IRAG1: variants seen among roughly 807,000 people sequenced by gnomAD.
IRAG1 encodes the protein IP3R-associated cGMP kinase substrate.
In IRAG1, 62 loss-of-function variants were observed where a neutral mutation model predicts 106.2. The observed-to-expected ratio is 0.58, with a 90% confidence interval of 0.48 to 0.72. The LOEUF (loss-of-function observed/expected upper bound fraction) is 0.72. IRAG1 is among the 30% of genes least tolerant of loss of function. IRAG1 has a pLI of 0.00. For synonymous variants in IRAG1, 462 were observed against 443.9 expected (o/e 1.04, Z -0.51); for missense variants, 1,064 against 1,140.7 (o/e 0.93, Z 0.97).
At chr11:10,599,053 C>A (rs1196242633) in intron 15 of IRAG1, among the ~76,000 whole-genome samples, 1 of 152,196 alleles carries the variant, frequency 6.6e-6, no homozygotes, top group Non-Finnish European at 1.5e-5. Context: ...GGAAGAACAA[C>A]TGGAGTGGAA....
chr11:10,616,545 CA>C (rs1406763660), intron 10 of IRAG1, among the ~76,000 whole-genome samples: 1 of 151,954 alleles, frequency 6.6e-6, no homozygotes, highest in Admixed American at 6.5e-5. Flanking sequence ...AAACAAAAAA[CA>C]AAAAACTACC....
chr11:10,626,255 G>C lies in IRAG1; in HGVS notation c.1079C>G (p.Ser360Cys), dbSNP rs936226835. 5.0e-6 allele frequency: 8 copies of C among 1,608,910 alleles called. No homozygotes were observed. The Admixed American group carries it at 1.3e-4, about 27-fold the overall frequency. ...QDAAGVGPPA[S>C]QGRGPAGEPM... is the part of the protein sequence containing the mutation. ...CTCTCCAGCTGGGCCTCTCCCCTGG[G>C]AGGCTGGGGGACCCACTCCTGCCGC... The change falls in exon 9 of 21, where the codon TCC becomes TGC. Residue 360 changes from serine (S) to cysteine (C), a missense_variant. Ser to Cys is a moderately radical substitution (Grantham distance 112, BLOSUM62 -1). Coordinates refer to ENST00000423302, the MANE Select transcript of IRAG1 (RefSeq NM_130385.4).
intron 18 of IRAG1, among the ~76,000 whole-genome samples, chr11:10,582,828 C>A (rs1452466851): frequency 6.6e-6 from 1 of 152,184 alleles, no homozygotes; most frequent in East Asian, 1.9e-4. Flanking sequence ...TGGTGGCACA[C>A]ACCTGTAATC....
chr11:10,685,576 C>G (rs1276031317), intron 1 of IRAG1, among the ~76,000 whole-genome samples: 1 of 151,662 alleles, frequency 6.6e-6, no homozygotes, highest in Non-Finnish European at 1.5e-5. Flanking sequence ...AAAACATTAG[C>G]CAGGTGAGGT....
chr11:10,606,832 G>A, intron 11 of IRAG1, 60 bp from the exon 12 acceptor site: 1 of 1,466,176 alleles, frequency 6.8e-7, no homozygotes, highest in Admixed American at 2.4e-5. Flanking sequence ...ACCCAAAGGT[G>A]ACTCTGAATG....
chr11:10,619,026 A>C (rs901212864), intron 10 of IRAG1, among the ~76,000 whole-genome samples: 33 of 152,286 alleles, frequency 2.2e-4, no homozygotes, highest in Non-Finnish European at 4.3e-4. Flanking sequence ...TGATAATGGT[A>C]GCTGGGACAA....
At position 10,626,543 on chromosome 11, in the gene IRAG1, T is replaced by C; in HGVS notation, c.791A>G (p.Gln264Arg). 1 of 1,611,764 alleles carries C rather than the reference T, an allele frequency of 6.2e-7. No individual in the cohort carries two copies. The highest frequency in any genetic ancestry group is 2.2e-5 in the East Asian group (1 of 44,844). The change falls in exon 9 of 21, where the codon CAG (glutamine) becomes CGG (arginine). Residue 264 changes from glutamine (Q) to arginine (R), a missense_variant. Transcript: ENST00000423302. ...CAGCCTGCCCTGAGACACTTTCCTC[T>C]GGTCATTCTGCTTCCTGTCAGCTAG... is the stretch of plus-strand genomic sequence containing the variant. ...KGLADRKQNDQRKVSQGRLAP... is the reference protein window; with the variant it reads ...KGLADRKQNDRRKVSQGRLAP...
chr11:10,592,874 T>C (rs1852834741), intron 17 of IRAG1, among the ~76,000 whole-genome samples: 1 of 152,202 alleles, frequency 6.6e-6, no homozygotes, highest in South Asian at 2.1e-4. Flanking sequence ...CACACTCTTT[T>C]AAAAAGTACA....
intron 20 of IRAG1, among the ~76,000 whole-genome samples, chr11:10,576,875 A>T (rs141767158): frequency 1.3e-3 from 199 of 152,294 alleles, no homozygotes; most frequent in African/African-American, 3.3e-3. Flanking sequence ...TAATTGTTTG[A>T]TCATCCATCC....
At chr11:10,670,717 A>G (rs1860151005) in intron 1 of IRAG1, among the ~76,000 whole-genome samples, 1 of 152,232 alleles carries the variant, frequency 6.6e-6, no homozygotes, top group Admixed American at 6.5e-5. Context: ...AGGCCATTAG[A>G]ATAGACCCTA....
In IRAG1 at chr11:10,580,598, C is replaced by T. The variant is rs1564887660; in HGVS notation, c.2361-9G>A. Reference sequence around the variant, plus strand: ...TTAGACCTTCTTGGAATCTGGGGGGCAAAAAGGAACAGTTGAGTCTGGAAA... The same window carrying T: ...TTAGACCTTCTTGGAATCTGGGGGGTAAAAAGGAACAGTTGAGTCTGGAAA... On this transcript the variant is annotated splice_polypyrimidine_tract_variant and intron_variant, in intron 19 of 20. Coordinates refer to ENST00000423302, the MANE Select transcript of IRAG1 (RefSeq NM_130385.4). The T allele has an allele frequency of 1.2e-6, 2 of 1,607,758 alleles. No individual in the cohort carries two copies. Among genetic ancestry groups the T allele is most frequent in the South Asian group, 2.2e-5 (2 of 89,954 alleles).
At chr11:10,638,204 A>G (rs747188732) in intron 2 of IRAG1, among the ~76,000 whole-genome samples, 2 of 152,216 alleles carry the variant, frequency 1.3e-5, no homozygotes, top group Non-Finnish European at 2.9e-5. Context: ...TTAGTTATCA[A>G]CATTCCATAA....
At chr11:10,682,402 T>C (rs1861328413) in intron 1 of IRAG1, among the ~76,000 whole-genome samples, 1 of 152,218 alleles carries the variant, frequency 6.6e-6, no homozygotes. Context: ...TAGGGACAAC[T>C]TGCCAAATGT....
At chr11:10,671,584 C>T (rs1260207556) in intron 1 of IRAG1, among the ~76,000 whole-genome samples, 1 of 152,018 alleles carries the variant, frequency 6.6e-6, no homozygotes, top group Non-Finnish European at 1.5e-5. Context: ...TGGTGGCGCG[C>T]ACCTGTAGTC....
At chr11:10,680,098 A>AC (rs1482838016) in intron 1 of IRAG1, among the ~76,000 whole-genome samples, 25 of 151,492 alleles carry the variant, frequency 1.7e-4, no homozygotes, top group African/African-American at 5.6e-4. Context: ...ACATGGTGAA[A>AC]CCTGTCTCTA....
Position 10,652,159 on chromosome 11 carries a change from T to G in IRAG1, c.91A>C (p.Ser31Arg). 1 of 1,613,700 alleles carries G rather than the reference T, an allele frequency of 6.2e-7. No individual in the cohort carries two copies. Among genetic ancestry groups the G allele is most frequent in the East Asian group, 2.2e-5 (1 of 44,866 alleles). ...TCCGCTGCGTCAGCCCCAAAGATGC[T>G]CCAAGAGGCCTGGGCTCCACAGGCT... is the stretch of plus-strand genomic sequence containing the variant. ...VLACGAQASW[S>R]IFGADAAEVP... Residue 31 changes from serine to arginine, a missense_variant, in exon 2 of 21, where the codon AGC (serine) becomes CGC (arginine). By Grantham distance (110) the Ser-to-Arg change is moderately radical. Transcript: ENST00000423302.
At chr11:10,625,906 T>C (rs770293178) in intron 9 of IRAG1, 60 bp downstream of exon 9, 15 of 1,350,834 alleles carry the variant, frequency 1.1e-5, no homozygotes, top group Non-Finnish European at 1.4e-5. Flanking sequence ...AGCCCTGAGG[T>C]CTTCAGCCCA....
intron 1 of IRAG1, chr11:10,687,856 G>T: frequency 1.7e-6 from 2 of 1,209,672 alleles, no homozygotes; most frequent in Non-Finnish European, 2.1e-6. Flanking sequence ...TGGGCTAAGG[G>T]ATTTAGCTTT....
intron 1 of IRAG1, among the ~76,000 whole-genome samples, chr11:10,683,692 G>A (rs993344354): frequency 6.6e-6 from 1 of 152,114 alleles, no homozygotes; most frequent in Non-Finnish European, 1.5e-5. Flanking sequence ...TTCCTCCCTT[G>A]CTCCAGCACC....
Sources: allele counts gnomAD v4.1 joint callset (sites outside exome capture counted in the v4.1 genomes callset), GRCh38; gene constraint gnomAD v4.1.1; transcripts MANE v1.5; gene names NCBI Gene and HGNC (gene_info 2026-07-23, HGNC 2026-07-21).